The following NRG1 variants were observed in gnomAD, a reference collection of about 807,000 sequenced individuals.
NRG1 encodes neuregulin 1.
NRG1 carries 18 observed loss-of-function variants against 63.8 expected under a neutral mutation model. The observed-to-expected ratio is 0.28, with a 90% CI of 0.19 to 0.42. NRG1 has a LOEUF of 0.42. NRG1 is among the 10% of genes least tolerant of loss of function. The pLI, the probability that NRG1 is intolerant of heterozygous loss-of-function variation, is 1.00. For missense variants in NRG1, 762 were observed against 814.7 expected (o/e 0.94, Z 0.79); for synonymous variants, 302 against 301.3 (o/e 1.00, Z -0.02).
chr8:32,760,525 G>C, intron 11 of NRG1, 119 bp downstream of exon 11: 1 of 1,502,130 alleles, frequency 6.7e-7, no homozygotes, highest in Non-Finnish European at 8.8e-7. Flanking sequence ...GCAGTTACCT[G>C]TTCTAGGAGT....
At chr8:32,065,141 A>G (rs111838482) in intron 1 of NRG1, among the ~76,000 whole-genome samples, 3,222 of 152,024 alleles carry the variant, frequency 0.021, 87 homozygotes, top group African/African-American at 0.061. Flanking sequence ...ACAGAAAAAA[A>G]AAAAGTGCTT....
intron 1 of NRG1, among the ~76,000 whole-genome samples, chr8:32,487,150 T>TA (rs5890654): frequency 0.13 from 19,127 of 143,762 alleles, 1,454 homozygotes; most frequent in Admixed American, 0.25. Flanking sequence ...CCACTATTGA[T>TA]AAAAAAAAAA....
At chr8:32,166,289 G>T (rs1839393715) in intron 1 of NRG1, among the ~76,000 whole-genome samples, 1 of 152,018 alleles carries the variant, frequency 6.6e-6, no homozygotes, top group East Asian at 1.9e-4. Context: ...TGTGTAAAGT[G>T]CTCAGCTCAC....
chr8:32,098,168 TAGAG>T (rs1830129321), intron 1 of NRG1, among the ~76,000 whole-genome samples: 2 of 147,820 alleles, frequency 1.4e-5, no homozygotes, highest in African/African-American at 4.9e-5. Context: ...CATTTCAGGC[TAGAG>T]AAAGTGTTTA....
intron 5 of NRG1, among the ~76,000 whole-genome samples, chr8:32,694,372 C>G (rs915143275): frequency 5.3e-5 from 8 of 152,112 alleles, no homozygotes; most frequent in African/African-American, 1.7e-4. Flanking sequence ...CCAGAATGTT[C>G]TGTATGTAAC....
At chr8:32,228,108 C>G (rs1846524914) in intron 1 of NRG1, among the ~76,000 whole-genome samples, 1 of 151,972 alleles carries the variant, frequency 6.6e-6, no homozygotes, top group African/African-American at 2.4e-5. Context: ...TGAATTTATC[C>G]TTGGATTTCT....
At chr8:32,404,887 C>T (rs1813748093) in intron 1 of NRG1, among the ~76,000 whole-genome samples, 1 of 152,026 alleles carries the variant, frequency 6.6e-6, no homozygotes, top group African/African-American at 2.4e-5. Context: ...GCCCAGCCTT[C>T]ATCTTCATCT....
At chr8:31,918,180 TG>T (rs1833578372) in intron 1 of NRG1, among the ~76,000 whole-genome samples, 1 of 152,190 alleles carries the variant, frequency 6.6e-6, no homozygotes, top group African/African-American at 2.4e-5. Context: ...TTTTCCTAAT[TG>T]AATACCCTTT....
chr8:32,679,125 CAAAAT>C (rs919154743), intron 5 of NRG1, among the ~76,000 whole-genome samples: 5 of 151,754 alleles, frequency 3.3e-5, no homozygotes, highest in African/African-American at 4.8e-5. Context: ...GACATCACCC[CAAAAT>C]AAAATAAAAG....
chr8:32,547,080 G>A (rs113015399), upstream of NRG1, among the ~76,000 whole-genome samples: 2 of 152,284 alleles, frequency 1.3e-5, no homozygotes, highest in East Asian at 1.9e-4. Flanking sequence ...CAACACAAGA[G>A]TATTTCACTG....
At chr8:32,471,215 T>C (rs148760027) in intron 1 of NRG1, among the ~76,000 whole-genome samples, 1 of 152,374 alleles carries the variant, frequency 6.6e-6, no homozygotes, top group African/African-American at 2.4e-5. Flanking sequence ...AATGGACTTA[T>C]CTTTGCTTCT....
intron 1 of NRG1, among the ~76,000 whole-genome samples, chr8:32,425,710 ATAG>A (rs1298179156): frequency 6.6e-6 from 1 of 152,180 alleles, no homozygotes; most frequent in Non-Finnish European, 1.5e-5. Context: ...GATTGAGATT[ATAG>A]TAGTATTATT....
intron 1 of NRG1, among the ~76,000 whole-genome samples, chr8:32,503,193 A>T (rs1828078938): frequency 6.8e-6 from 1 of 146,798 alleles, no homozygotes; most frequent in Admixed American, 6.9e-5. Context: ...AGGCTGAGGC[A>T]GAAGAATGGC....
intron 1 of NRG1, among the ~76,000 whole-genome samples, chr8:31,773,760 A>G (rs1818853641): frequency 6.7e-6 from 1 of 149,688 alleles, no homozygotes. Context: ...CAGATTTTAC[A>G]TTCGAATATC....
intron 1 of NRG1, among the ~76,000 whole-genome samples, chr8:32,436,076 T>A (rs1289556410): frequency 1.3e-5 from 2 of 152,134 alleles, no homozygotes; most frequent in Non-Finnish European, 2.9e-5. Context: ...CTGGGTAATT[T>A]ATAAAGAAAA....
chr8:32,026,054 G>A (rs1307930947), intron 1 of NRG1, among the ~76,000 whole-genome samples: 2 of 146,866 alleles, frequency 1.4e-5, no homozygotes, highest in African/African-American at 5.0e-5. Flanking sequence ...TAAGTTTAGA[G>A]CATATACAAT....
At chr8:31,913,382 T>C (rs1585705248) in intron 1 of NRG1, among the ~76,000 whole-genome samples, 1 of 152,330 alleles carries the variant, frequency 6.6e-6, no homozygotes, top group Non-Finnish European at 1.5e-5. Context: ...TTTACAAATA[T>C]TTTCCCATCA....
chr8:31,738,858 C>T (rs1410635407), intron 1 of NRG1, among the ~76,000 whole-genome samples: 1 of 152,034 alleles, frequency 6.6e-6, no homozygotes, highest in East Asian at 1.9e-4. Context: ...TTTGTAAGTA[C>T]ACCAGCCAAA....
chr8:32,355,910 T>A (rs780389625), intron 1 of NRG1, among the ~76,000 whole-genome samples: 2 of 152,120 alleles, frequency 1.3e-5, no homozygotes, highest in Non-Finnish European at 2.9e-5. Flanking sequence ...GGAGGGGACA[T>A]GAACATGTGT....
Sources: allele counts gnomAD v4.1 joint callset (sites outside exome capture counted in the v4.1 genomes callset), GRCh38; gene constraint gnomAD v4.1.1; transcripts MANE v1.5; gene names NCBI Gene and HGNC (gene_info 2026-07-23, HGNC 2026-07-21).